Variants in SHANK2 observed in about 807,000 individuals in gnomAD.
The protein encoded by SHANK2 is SH3 and multiple ankyrin repeat domains protein 2.
A neutral mutation model predicts 133.7 loss-of-function variants in SHANK2; 43 were observed. The observed-to-expected ratio is 0.32, with a 90% CI of 0.25 to 0.41. SHANK2 has a LOEUF of 0.41. SHANK2 is among the 10% of genes least tolerant of loss of function. The pLI, the probability that SHANK2 is intolerant of heterozygous loss-of-function variation, is 1.00. For synonymous variants in SHANK2, 1,017 were observed against 952.8 expected, an observed-to-expected ratio of 1.07 and a Z score of -1.24; for missense variants, 1,994 against 2,235.8, an observed-to-expected ratio of 0.89 and a Z score of 2.18.
Position 70,556,864 on chromosome 11 carries a change from C to T in SHANK2, c.2062-53933G>A, listed in dbSNP as rs112240478. ...GCCTTGGCCTCCTAAAGTGAGCCATCGCTCCTGGCCTCATTTTTTCTCATT... is the reference window on the plus strand; with the variant it reads ...GCCTTGGCCTCCTAAAGTGAGCCATTGCTCCTGGCCTCATTTTTTCTCATT... On this transcript the variant is annotated intron_variant, in intron 17 of 25. Coordinates refer to ENST00000601538, the MANE Select transcript of SHANK2 (RefSeq NM_012309.5). Among the ~76,000 whole-genome samples the T allele has an allele frequency of 2.4e-3, 366 of 151,988 alleles. 3 individuals are homozygous for T. Among genetic ancestry groups the T allele is most frequent in the African/African-American group, 8.3e-3 (344 of 41,458 alleles).
chr11:70,475,465 C>T (rs190870437), intron 25 of SHANK2, among the ~76,000 whole-genome samples: 14 of 152,148 alleles, frequency 9.2e-5, no homozygotes, highest in African/African-American at 2.4e-4. Flanking sequence ...TGTCTCTCTC[C>T]GTTTTTTTCT....
At chr11:71,128,750 A>G (rs1317241103) in intron 3 of SHANK2, among the ~76,000 whole-genome samples, 4 of 152,220 alleles carry the variant, frequency 2.6e-5, no homozygotes, top group African/African-American at 4.8e-5. Flanking sequence ...CAGCCAGTTA[A>G]GTGCTCCTCC....
At chr11:70,648,616 C>A (rs2061300342) in intron 17 of SHANK2, among the ~76,000 whole-genome samples, 1 of 152,164 alleles carries the variant, frequency 6.6e-6, no homozygotes, top group South Asian at 2.1e-4. Flanking sequence ...CCCTGTAAAC[C>A]CCTCAGGATT....
At chr11:70,558,097 G>A (rs930572541) in intron 17 of SHANK2, among the ~76,000 whole-genome samples, 1 of 152,178 alleles carries the variant, frequency 6.6e-6, no homozygotes, top group Non-Finnish European at 1.5e-5. Context: ...TGGCTGTTCC[G>A]TGGCAGGGGT....
chr11:71,106,340 G>A (rs1441308737), intron 6 of SHANK2, among the ~76,000 whole-genome samples: 1 of 152,184 alleles, frequency 6.6e-6, no homozygotes, highest in East Asian at 1.9e-4. Flanking sequence ...AGTGGCTCAC[G>A]CCTGTAATCC....
At chr11:71,235,743 T>C (rs1232302246) in intron 1 of SHANK2, among the ~76,000 whole-genome samples, 1 of 152,132 alleles carries the variant, frequency 6.6e-6, no homozygotes, top group Non-Finnish European at 1.5e-5. Flanking sequence ...AAGGCCACCA[T>C]GTACAGGCAT....
chr11:70,688,721 G>A (rs1295088245), intron 15 of SHANK2, among the ~76,000 whole-genome samples: 4 of 152,102 alleles, frequency 2.6e-5, no homozygotes, highest in African/African-American at 7.2e-5. Context: ...GAGGGAACAC[G>A]GGCTTGTCTA....
At chr11:71,068,804 T>A (rs1040958068) in intron 9 of SHANK2, among the ~76,000 whole-genome samples, 2 of 152,242 alleles carry the variant, frequency 1.3e-5, no homozygotes, top group African/African-American at 2.4e-5. Flanking sequence ...GCCATCACCA[T>A]CACCATGACC....
At chr11:70,588,502 T>C (rs1213372395) in intron 17 of SHANK2, among the ~76,000 whole-genome samples, 1 of 152,206 alleles carries the variant, frequency 6.6e-6, no homozygotes, top group Non-Finnish European at 1.5e-5. Flanking sequence ...ATATCACTGA[T>C]ATGGAGAAAG....
chr11:70,743,843 C>T (rs912501565), intron 14 of SHANK2, among the ~76,000 whole-genome samples: 6 of 152,182 alleles, frequency 3.9e-5, no homozygotes, highest in Admixed American at 1.3e-4. Context: ...GGTCTCCTTC[C>T]CTCCTTTCCT....
chr11:70,562,974 C>T (rs901412958), intron 17 of SHANK2, among the ~76,000 whole-genome samples: 37 of 152,138 alleles, frequency 2.4e-4, no homozygotes, highest in African/African-American at 8.9e-4. Context: ...TGGGTTCAAG[C>T]GATTCTCCTG....
At chr11:71,098,628 T>G (rs1951667499) in intron 6 of SHANK2, among the ~76,000 whole-genome samples, 1 of 151,440 alleles carries the variant, frequency 6.6e-6, no homozygotes, top group African/African-American at 2.4e-5. Flanking sequence ...ATGAGTGGAG[T>G]CTGTAAGACT....
intron 17 of SHANK2, among the ~76,000 whole-genome samples, chr11:70,504,438 C>T (rs527361940): frequency 4.9e-4 from 64 of 130,128 alleles, no homozygotes; most frequent in Admixed American, 1.8e-3. Context: ...GGCAGGGCTG[C>T]GAGGAGCCCA....
At chr11:70,889,199 C>A (rs1374677497) in intron 11 of SHANK2, among the ~76,000 whole-genome samples, 1 of 151,916 alleles carries the variant, frequency 6.6e-6, no homozygotes, top group African/African-American at 2.4e-5. Context: ...GACTGGAGTC[C>A]GTATAAGGGA....
chr11:71,214,493 C>T (rs943300971), intron 2 of SHANK2, among the ~76,000 whole-genome samples: 7 of 152,246 alleles, frequency 4.6e-5, no homozygotes, highest in Non-Finnish European at 8.8e-5. Context: ...TTAGCGCCAT[C>T]AGCTTTGCTT....
intron 14 of SHANK2, among the ~76,000 whole-genome samples, chr11:70,720,171 T>C (rs1555028613): frequency 6.6e-6 from 1 of 152,178 alleles, no homozygotes; most frequent in African/African-American, 2.4e-5. Context: ...CCCCAGGGCC[T>C]GGTACCTGGG....
At chr11:70,770,223 G>A (rs1947217103) in intron 14 of SHANK2, among the ~76,000 whole-genome samples, 1 of 152,242 alleles carries the variant, frequency 6.6e-6, no homozygotes, top group African/African-American at 2.4e-5. Flanking sequence ...GAGCTCGGCT[G>A]TGTCTCCTGC....
intron 3 of SHANK2, among the ~76,000 whole-genome samples, chr11:71,132,963 C>G (rs376173336): frequency 6.6e-6 from 1 of 152,222 alleles, no homozygotes; most frequent in African/African-American, 2.4e-5. Flanking sequence ...GCAGCACTCT[C>G]TTTGGTCTTA....
intron 10 of SHANK2, among the ~76,000 whole-genome samples, chr11:70,921,130 T>C (rs889910628): frequency 2.6e-5 from 4 of 152,180 alleles, no homozygotes; most frequent in Non-Finnish European, 4.4e-5. Flanking sequence ...CAGCCTCCAC[T>C]GGGCACAGAC....
Sources: allele counts gnomAD v4.1 joint callset (sites outside exome capture counted in the v4.1 genomes callset), GRCh38; gene constraint gnomAD v4.1.1; transcripts MANE v1.5; gene names NCBI Gene and HGNC (gene_info 2026-07-23, HGNC 2026-07-21).